The following UNC45B variants were observed in gnomAD, a reference collection of about 807,000 sequenced individuals.
UNC45B encodes the protein unc-45 myosin chaperone B.
UNC45B carries 78 observed loss-of-function variants against 98.7 expected under a neutral mutation model. That is an observed-to-expected ratio of 0.79 (90% CI 0.66 to 0.95). The LOEUF (loss-of-function observed/expected upper bound fraction) is 0.95. Ranked by LOEUF, UNC45B falls within the 40% of genes least tolerant of loss-of-function variation. The pLI is 0.00. For synonymous variants in UNC45B, 462 were observed against 480.4 expected (o/e 0.96, Z 0.50); for missense variants, 1,225 against 1,184.9 (o/e 1.03, Z -0.50).
intron 9 of UNC45B, among the ~76,000 whole-genome samples, chr17:35,165,184 C>A (rs1344102484): frequency 6.6e-6 from 1 of 152,184 alleles, no homozygotes; most frequent in Non-Finnish European, 1.5e-5. Flanking sequence ...TTTATACCTA[C>A]CACTGGCTTC....
chr17:35,183,386 T>C, intron 18 of UNC45B, 41 bp from the exon 19 acceptor site: 2 of 1,481,982 alleles, frequency 1.3e-6, no homozygotes, highest in African/African-American at 2.8e-5. Context: ...CTGGGCAGAT[T>C]GGGGACAGTT....
chr17:35,155,073 G>T (rs9916195), intron 6 of UNC45B, among the ~76,000 whole-genome samples: 1 of 152,234 alleles, frequency 6.6e-6, no homozygotes, highest in Non-Finnish European at 1.5e-5. Flanking sequence ...CCATGTGGCC[G>T]GTGGTCACTG....
At position 35,159,389 on chromosome 17, in the gene UNC45B, C is replaced by T; in HGVS notation, c.823C>T (p.Leu275=). 1.2e-6 allele frequency: 2 copies of T among 1,613,532 alleles called. No individual in the cohort carries two copies. The highest frequency in any genetic ancestry group is 1.7e-6 in the Non-Finnish European group (2 of 1,179,596). The change falls in exon 8 of 20, where the codon CTG becomes TTG. Residue 275 remains leucine (L), a synonymous_variant. Transcript: ENST00000394570. ...EALVLDTKKD[L]KQITSHLLDM... is the part of the protein sequence containing the mutation. The stretch of plus-strand genomic sequence containing the variant: ...TTTTTCTTCAGACACCAAGAAGGAC[C>T]TGAAGCAGATCACCAGCCACCTGCT...
chr17:35,152,780 T>C, intron 4 of UNC45B, 113 bp from the exon 5 acceptor site: 1 of 791,662 alleles, frequency 1.3e-6, no homozygotes. Flanking sequence ...TGAATGAACG[T>C]ATGTGCGGGA....
intron 8 of UNC45B, among the ~76,000 whole-genome samples, chr17:35,160,469 C>T (rs2092095275): frequency 6.6e-6 from 1 of 152,162 alleles, no homozygotes; most frequent in South Asian, 2.1e-4. Context: ...GACAGAGTCT[C>T]ACTCTGCTGC....
chr17:35,167,713 T>C (rs2142562057), intron 9 of UNC45B, among the ~76,000 whole-genome samples: 1 of 152,228 alleles, frequency 6.6e-6, no homozygotes, highest in East Asian at 1.9e-4. Context: ...GGCTTTGTGA[T>C]AGCTGCAAAA....
chr17:35,170,529 T>TAAAAAAAAA (rs35208483), intron 12 of UNC45B, among the ~76,000 whole-genome samples: 1 of 70,080 alleles, frequency 1.4e-5, no homozygotes, highest in Non-Finnish European at 2.7e-5. Context: ...CTGAGGCAGC[T>TAAAAAAAAA]AAAAAAAAAA....
chr17:35,154,513 A>G (rs1011620567), intron 5 of UNC45B, 61 bp from the exon 6 acceptor site: 5 of 1,526,364 alleles, frequency 3.3e-6, no homozygotes, highest in Non-Finnish European at 4.4e-6. Flanking sequence ...TACTTGGCCC[A>G]TGGTCCAGGC....
At chr17:35,175,790 C>G (rs767316794) in intron 14 of UNC45B, among the ~76,000 whole-genome samples, 178 bp from the exon 15 acceptor site, 88 of 152,182 alleles carry the variant, frequency 5.8e-4, no homozygotes, top group Non-Finnish European at 1.2e-3. Context: ...CAATTATTCC[C>G]ATGATGTCAT....
chr17:35,172,141 T>C (rs1002398002), intron 13 of UNC45B, among the ~76,000 whole-genome samples: 10 of 152,242 alleles, frequency 6.6e-5, no homozygotes, highest in Admixed American at 2.0e-4. Flanking sequence ...TTTTTCTATG[T>C]ATCTTTTTTC....
chr17:35,163,957 C>G (rs2092120082), intron 8 of UNC45B, 38 bp from the exon 9 acceptor site: 1 of 1,565,878 alleles, frequency 6.4e-7, no homozygotes, highest in African/African-American at 1.4e-5. Flanking sequence ...GGATGGAGCC[C>G]AGCAGGAATC....
intron 9 of UNC45B, among the ~76,000 whole-genome samples, chr17:35,167,229 A>G (rs987042466): frequency 3.3e-5 from 5 of 152,186 alleles, no homozygotes; most frequent in African/African-American, 1.2e-4. Flanking sequence ...AGCTGCTGGA[A>G]AGGCTGTCAG....
intron 4 of UNC45B, 96 bp from the exon 5 acceptor site, chr17:35,152,797 A>G: frequency 2.2e-6 from 2 of 908,166 alleles, no homozygotes; most frequent in East Asian, 2.4e-5. Flanking sequence ...GGGAGCCCAG[A>G]GTAGACACCT....
intron 2 of UNC45B, among the ~76,000 whole-genome samples, 155 bp downstream of exon 2, chr17:35,148,586 T>A (rs1567751843): frequency 6.6e-6 from 1 of 152,088 alleles, no homozygotes; most frequent in Non-Finnish European, 1.5e-5. Context: ...CCCTGACCCA[T>A]GCCCCGGAAA....
Position 35,177,059 on chromosome 17 carries a change from G to A in UNC45B, c.2068G>A (p.Val690Met). 3.7e-6 allele frequency: 6 copies of A among 1,614,208 alleles called. No individual in the cohort carries two copies. The highest frequency in any genetic ancestry group is 5.1e-6 in the Non-Finnish European group (6 of 1,180,038). ...LALEGTDVGK[V>M]KAAHALAKIA... ...TTTGGAGGGCACAGATGTGGGCAAG[G>A]TGAAGGCAGCCCACGCTCTAGCAAA... The change falls in exon 16 of 20, where the codon GTG (valine) becomes ATG (methionine). Residue 690 changes from valine to methionine, a missense_variant. By Grantham distance (21) the Val-to-Met change is conservative (BLOSUM62 1). Transcript: ENST00000394570.
At chr17:35,177,347 A>T in intron 16 of UNC45B, 148 bp from the exon 17 acceptor site, 1 of 714,318 alleles carries the variant, frequency 1.4e-6, no homozygotes, top group Non-Finnish European at 2.3e-6. Flanking sequence ...TAAAGAAAAT[A>T]ATCCTGCCTG....
chr17:35,148,579 T>G (rs963836807), intron 2 of UNC45B, 148 bp downstream of exon 2: 2 of 911,408 alleles, frequency 2.2e-6, no homozygotes, highest in Non-Finnish European at 3.2e-6. Context: ...TCCAACCCCC[T>G]GACCCATGCC....
chr17:35,168,037 G>C (rs369629286), intron 9 of UNC45B, 24 bp from the exon 10 acceptor site: 1 of 1,430,668 alleles, frequency 7.0e-7, no homozygotes, highest in Non-Finnish European at 9.2e-7. Flanking sequence ...CAGTTCTCTT[G>C]ACCACCCTTG....
chr17:35,177,256 C>A, intron 16 of UNC45B, 126 bp downstream of exon 16: 1 of 901,866 alleles, frequency 1.1e-6, no homozygotes, highest in Non-Finnish European at 1.7e-6. Context: ...GAGGGTGATG[C>A]ATGGAGGCAC....
Sources: gnomAD v4.1 joint callset for allele counts (sites outside exome capture counted in the v4.1 genomes callset) on GRCh38, gnomAD v4.1.1 for gene constraint, MANE v1.5 for transcripts, NCBI Gene and HGNC (gene_info 2026-07-23, HGNC 2026-07-21) for gene names.